Variants in SVEP1 observed in about 807,000 individuals in gnomAD.
SVEP1 encodes sushi, von Willebrand factor type A, EGF and pentraxin domain containing 1.
SVEP1 carries 164 observed loss-of-function variants against 367.3 expected under a neutral mutation model. The ratio of observed to expected loss-of-function variants is 0.45; its 90% CI spans 0.39 to 0.51. The LOEUF (loss-of-function observed/expected upper bound fraction) is 0.51, where lower values mean the gene tolerates loss of function less well. Among genes scored for constraint, SVEP1 ranks in the 20% least tolerant of loss-of-function variants. The probability of loss-of-function intolerance (pLI) is 0.00; values close to 1 mark genes in which losing one functional copy is unlikely to be tolerated. For missense variants in SVEP1, 4,117 were observed against 4,425.3 expected (o/e 0.93, Z 1.98); for synonymous variants, 1,666 against 1,611.6 (o/e 1.03, Z -0.81).
At chr9:110,466,091 C>T (rs1828933280) in intron 17 of SVEP1, 65 bp from the exon 18 acceptor site, 5 of 1,488,514 alleles carry the variant, frequency 3.4e-6, no homozygotes, top group South Asian at 1.3e-5. Flanking sequence ...TAGTACTGTG[C>T]GGGATAGGGT....
At chr9:110,492,027 C>T (rs1829373649) in intron 8 of SVEP1, among the ~76,000 whole-genome samples, 1 of 152,050 alleles carries the variant, frequency 6.6e-6, no homozygotes, top group Admixed American at 6.6e-5. Flanking sequence ...AGATAATAAT[C>T]AGCATATATT....
At chr9:110,417,165 C>T (rs868025174) in intron 36 of SVEP1, among the ~76,000 whole-genome samples, 5 of 151,404 alleles carry the variant, frequency 3.3e-5, no homozygotes, top group South Asian at 2.1e-4. Flanking sequence ...GCGTGAGCGA[C>T]GCAGAAGACG....
At chr9:110,568,304 T>C (rs1004457077) in intron 1 of SVEP1, among the ~76,000 whole-genome samples, 4 of 152,226 alleles carry the variant, frequency 2.6e-5, no homozygotes, top group African/African-American at 7.2e-5. Flanking sequence ...ACATAGTTTA[T>C]GAAATTGAAC....
chr9:110,445,724 T>G (rs2118595723), intron 26 of SVEP1, 113 bp downstream of exon 26: 1 of 1,144,846 alleles, frequency 8.7e-7, no homozygotes. Context: ...GACACCCTGC[T>G]GTTTTCTGGG....
At chr9:110,560,502 A>G (rs945976787) in intron 1 of SVEP1, among the ~76,000 whole-genome samples, 3 of 152,112 alleles carry the variant, frequency 2.0e-5, no homozygotes, top group Non-Finnish European at 2.9e-5. Flanking sequence ...TTTGGGCAGT[A>G]TCATGTGAAC....
At chr9:110,458,442 A>G in intron 20 of SVEP1, 29 bp downstream of exon 20, 1 of 1,589,684 alleles carries the variant, frequency 6.3e-7, no homozygotes, top group Non-Finnish European at 8.6e-7. Context: ...GCATTCCACT[A>G]GAGAACAGTT....
At chr9:110,575,038 C>A (rs1425903205) in intron 1 of SVEP1, among the ~76,000 whole-genome samples, 1 of 152,118 alleles carries the variant, frequency 6.6e-6, no homozygotes, top group African/African-American at 2.4e-5. Context: ...AGCCACCGCG[C>A]CTGGCCGAGT....
At chr9:110,474,484 A>G (rs1417782145) in intron 14 of SVEP1, among the ~76,000 whole-genome samples, 1 of 152,146 alleles carries the variant, frequency 6.6e-6, no homozygotes, top group Non-Finnish European at 1.5e-5. Flanking sequence ...ACAGGATCAC[A>G]TGTGCCACCT....
chr9:110,493,474 C>T (rs571089257), intron 8 of SVEP1, among the ~76,000 whole-genome samples: 7 of 152,268 alleles, frequency 4.6e-5, no homozygotes, highest in African/African-American at 1.7e-4. Flanking sequence ...TTGGCTCATG[C>T]CTGTAATCCC....
intron 40 of SVEP1, among the ~76,000 whole-genome samples, chr9:110,390,231 A>ATAAG (rs1827621742): frequency 7.3e-6 from 1 of 137,004 alleles, no homozygotes; most frequent in Admixed American, 7.4e-5. Flanking sequence ...ATATACTTAT[A>ATAAG]TAAGTATGTG....
At chr9:110,574,194 G>A (rs919770783) in intron 1 of SVEP1, among the ~76,000 whole-genome samples, 6 of 152,204 alleles carry the variant, frequency 3.9e-5, no homozygotes, top group Admixed American at 2.0e-4. Context: ...TTTTATACAA[G>A]AGGAATAAGA....
intron 6 of SVEP1, among the ~76,000 whole-genome samples, chr9:110,501,129 CATAT>C (rs971370435): frequency 1.2e-4 from 17 of 146,642 alleles, no homozygotes; most frequent in African/African-American, 3.0e-4. Flanking sequence ...TAAAATAATA[CATAT>C]ATAAATTATG....
At chr9:110,402,620 G>A (rs976725364) in intron 39 of SVEP1, among the ~76,000 whole-genome samples, 3 of 151,942 alleles carry the variant, frequency 2.0e-5, no homozygotes, top group East Asian at 3.9e-4. Context: ...ATCTTTTTTA[G>A]CCAGTATCAC....
chr9:110,498,512 A>T (rs1217339273), intron 7 of SVEP1, among the ~76,000 whole-genome samples: 2 of 152,154 alleles, frequency 1.3e-5, no homozygotes, highest in African/African-American at 4.8e-5. Flanking sequence ...TGGTCTTTTA[A>T]ATTACTAATA....
intron 36 of SVEP1, among the ~76,000 whole-genome samples, chr9:110,412,210 T>C (rs548247636): frequency 6.6e-6 from 1 of 152,358 alleles, no homozygotes; most frequent in Admixed American, 6.5e-5. Flanking sequence ...TGGTTTTAAC[T>C]TGATTTTGGC....
chr9:110,478,431 A>C (rs183752527), intron 13 of SVEP1, among the ~76,000 whole-genome samples: 42 of 152,330 alleles, frequency 2.8e-4, no homozygotes, highest in African/African-American at 1.0e-3. Flanking sequence ...ATACATAAGC[A>C]TTTAACAGCA....
Position 110,375,437 on chromosome 9 carries a change from C to A in SVEP1, c.10531G>T (p.Gly3511Ter). 7.8e-7 allele frequency: 1 copy of A among 1,289,580 alleles called. No individual in the cohort carries two copies. The highest frequency in any genetic ancestry group is 1.6e-5 in the African/African-American group (1 of 63,454). 79.9% of individuals were successfully genotyped at this position (1,289,580 alleles called of 1,614,324 possible). ...TGGTAAGGGGCCACACAGCGACCTC[C>A]GTTCAGACAGGGAAGAATGCAGATT... ...EPICILPCLN[G>*]GRCVAPYQCD... Residue 3511 changes from glycine (G) to a stop codon, truncating the protein, a stop_gained, in exon 46 of 48, where the codon GGA becomes TGA. Coordinates refer to ENST00000374469, the MANE Select transcript of SVEP1 (RefSeq NM_153366.4). LOFTEE classifies it high-confidence loss of function.
At chr9:110,459,213 T>C in intron 18 of SVEP1, 100 bp from the exon 19 acceptor site, 1 of 1,089,476 alleles carries the variant, frequency 9.2e-7, no homozygotes, top group South Asian at 1.7e-5. Context: ...TACTGAATTA[T>C]CTATATAATC....
intron 26 of SVEP1, among the ~76,000 whole-genome samples, chr9:110,444,722 T>G (rs1192764475): frequency 6.6e-6 from 1 of 152,130 alleles, no homozygotes; most frequent in Non-Finnish European, 1.5e-5. Flanking sequence ...TCTCCCAGCA[T>G]CTTATCAGAT....
Sources: gnomAD v4.1 joint callset for allele counts (sites outside exome capture counted in the v4.1 genomes callset) on GRCh38, gnomAD v4.1.1 for gene constraint, MANE v1.5 for transcripts, NCBI Gene and HGNC (gene_info 2026-07-23, HGNC 2026-07-21) for gene names.